Variants in TEPSIN observed in about 807,000 individuals in gnomAD.
TEPSIN encodes AP-4 complex accessory subunit tepsin.
A neutral mutation model predicts 48.5 loss-of-function variants in TEPSIN; 50 were observed. The ratio of observed to expected loss-of-function variants is 1.03; its 90% confidence interval spans 0.82 to 1.31. The LOEUF (loss-of-function observed/expected upper bound fraction) is 1.31, where lower values mean the gene tolerates loss of function less well. TEPSIN is among the 50% of genes most tolerant of loss of function. TEPSIN has a pLI of 0.00. For missense variants in TEPSIN, 838 were observed against 815.9 expected, an observed-to-expected ratio of 1.03 and a Z score of -0.33; for synonymous variants, 392 against 358.8, an observed-to-expected ratio of 1.09 and a Z score of -1.05.
At chr17:81,232,174 C>A in intron 8 of TEPSIN, 141 bp downstream of exon 8, 1 of 1,309,232 alleles carries the variant, frequency 7.6e-7, no homozygotes. Context: ...ACACCAGCCC[C>A]ATGGGCATGT....
rs2062633533 is a variant in TEPSIN at position 81,232,388 on chromosome 17, G to A, written c.657C>T (p.Ala219=). The A allele has an allele frequency of 8.5e-6, 13 of 1,535,732 alleles. No individual in the cohort carries two copies. Among genetic ancestry groups the A allele is most frequent in the Non-Finnish European group, 9.6e-6 (11 of 1,146,696 alleles). The change falls in exon 8 of 13, where the codon GCC becomes GCT. Residue 219 remains alanine (A), a synonymous_variant. Coordinates refer to ENST00000637944, the MANE Select transcript of TEPSIN (RefSeq NM_001363764.2). ...GACCGTGGCTGGCTGAAGGCATCAT[G>A]GCAGGCTGGTAGGTGTCACCCCGCG... The part of the protein sequence containing the change: ...LLPRGDTYQP[A]MMPSASHGPP...
chr17:81,235,523 C>T (rs2062705263), intron 4 of TEPSIN, among the ~76,000 whole-genome samples: 2 of 152,200 alleles, frequency 1.3e-5, no homozygotes, highest in Non-Finnish European at 2.9e-5. Context: ...ACTCTGGTGC[C>T]GACAAGAACC....
At chr17:81,232,078 C>A in intron 8 of TEPSIN, 57 bp from the exon 9 acceptor site, 1 of 1,568,934 alleles carries the variant, frequency 6.4e-7, no homozygotes, top group Non-Finnish European at 8.6e-7. Context: ...GCCCCATGCC[C>A]ACCTCCCGGG....
At chr17:81,232,064 G>A (rs199942965) in intron 8 of TEPSIN, 43 bp from the exon 9 acceptor site, 323 of 1,584,878 alleles carry the variant, frequency 2.0e-4, no homozygotes, top group Non-Finnish European at 2.6e-4. Context: ...GGGGCTTCAG[G>A]CCAGCCCCAT....
At position 81,233,298 on chromosome 17, in the gene TEPSIN, G is replaced by C. The variant is rs2062655797; in HGVS notation, c.526+134C>G. 1 of 1,062,424 alleles carries C rather than the reference G, an allele frequency of 9.4e-7. No individual in the cohort carries two copies. The highest frequency in any genetic ancestry group is 1.6e-5 in the African/African-American group (1 of 62,792). The allele number at this position is 1,062,424 out of a possible 1,614,324, so 65.8% of individuals were successfully genotyped here. On this transcript the variant is annotated intron_variant, in intron 7 of 12. Coordinates refer to ENST00000637944, the MANE Select transcript of TEPSIN (RefSeq NM_001363764.2). The surrounding 1 kb of genome is among the most constrained non-coding windows in gnomAD (Gnocchi z 5.8). The stretch of plus-strand genomic sequence containing the variant: ...GAGAGAGACAGTGGGGACAGCCCCA[G>C]GAAGGGTTGAGGCCATGTAGGGGAG...
Position 81,228,682 on chromosome 17 carries a change from C to A in TEPSIN, c.*246G>T. On this transcript the variant is annotated 3_prime_UTR_variant, in exon 13 of 13. Coordinates refer to ENST00000637944, the MANE Select transcript of TEPSIN (RefSeq NM_001363764.2). ...TGTCTGAGAGCAAGACAGGCAGGGA[C>A]TGCCCCCTGAGAGCCCTGAGATCGA... is the stretch of plus-strand genomic sequence containing the variant. 1 of 574,594 alleles carries A rather than the reference C, an allele frequency of 1.7e-6. No individual in the cohort carries two copies. The highest frequency in any genetic ancestry group is 3.0e-6 in the Non-Finnish European group (1 of 331,444). The allele number at this position is 574,594 out of a possible 1,614,324, so 35.6% of individuals were successfully genotyped here. A position where few individuals can be genotyped will look rare whatever the true frequency, so the allele number is the denominator to read the frequency against.
intron 12 of TEPSIN, 29 bp from the exon 13 acceptor site, chr17:81,229,505 T>C (rs2062543663): frequency 6.5e-7 from 1 of 1,543,486 alleles, no homozygotes; most frequent in Non-Finnish European, 8.7e-7. Flanking sequence ...ACCAGGGAGG[T>C]TCCTATGCAA....
At chr17:81,238,951 T>C in intron 1 of TEPSIN, 35 bp downstream of exon 1, 6 of 1,423,784 alleles carry the variant, frequency 4.2e-6, no homozygotes, top group Non-Finnish European at 5.5e-6. Context: ...AGAGGAGCCG[T>C]GGGACCGGGG....
At chr17:81,236,554 G>T (rs1187564076) in intron 4 of TEPSIN, 154 bp downstream of exon 4, 21 of 817,528 alleles carry the variant, frequency 2.6e-5, no homozygotes, top group Non-Finnish European at 1.9e-6. Flanking sequence ...AGAGGCCAGA[G>T]ATGGGCCAGG....
rs141474303 is a variant in TEPSIN at position 81,233,648 on chromosome 17, C to T, written c.444G>A (p.Pro148=). The T allele has an allele frequency of 3.5e-5, 56 of 1,598,762 alleles. No homozygotes were observed. In the African/African-American group the frequency reaches 6.3e-4, roughly 18 times the overall value. ...CCCTCAGTCACCTACCTGTGGCAGG[C>T]GGGGTCCCCAGAGGCTGGGAGGGAG... ...PLAPSQPLGT[P]PATGMGSQAR... Residue 148 remains proline (P), a synonymous_variant, in exon 6 of 13, where the codon CCG becomes CCA. Coordinates refer to ENST00000637944, the MANE Select transcript of TEPSIN (RefSeq NM_001363764.2). This position sits in a 1 kb window ranked among gnomAD's most constrained non-coding sequence, Gnocchi z 5.8.
chr17:81,236,598 C>G (rs897847571), intron 4 of TEPSIN, 110 bp downstream of exon 4: 41 of 1,147,700 alleles, frequency 3.6e-5, no homozygotes, highest in Non-Finnish European at 4.9e-5. Context: ...GGGACCCGGC[C>G]CAGGTGAGGG....
Position 81,233,078 on chromosome 17 carries a change from C to A in TEPSIN, c.526+354G>T. 1 of 365,780 alleles carries A rather than the reference C, an allele frequency of 2.7e-6. No homozygotes were observed. Among genetic ancestry groups the A allele is most frequent in the Non-Finnish European group, 5.0e-6 (1 of 198,852 alleles). The allele number at this position is 365,780 out of a possible 1,614,324, so 22.7% of individuals were successfully genotyped here. ...TGAGCAGTTGTCCACTGGTACTGCC[C>A]CACCTCATAACAGCTCCACACGGGA... On this transcript the variant is annotated intron_variant, in intron 7 of 12. Transcript: ENST00000637944. The surrounding 1 kb of genome is among the most constrained non-coding windows in gnomAD (Gnocchi z 5.8).
chr17:81,230,304 G>T lies in TEPSIN; in HGVS notation c.1233+240C>A, dbSNP rs1218153657. The stretch of plus-strand genomic sequence containing the variant: ...GGCAGCGGAGTCTGGGGGCTTCCAG[G>T]AATAGGTAGAGGCCAGTGTACTGTG... On this transcript the variant is annotated intron_variant, in intron 12 of 12. Transcript: ENST00000637944. The surrounding 1 kb of genome is among the most constrained non-coding windows in gnomAD (Gnocchi z 4.2). 9.6e-6 allele frequency: 5 copies of T among 521,750 alleles called. No homozygotes were observed. Among genetic ancestry groups the T allele is most frequent in the African/African-American group, 2.1e-5 (1 of 47,402 alleles). 32.3% of individuals were successfully genotyped at this position (521,750 alleles called of 1,614,324 possible). A position where few individuals can be genotyped will look rare whatever the true frequency, so the allele number is the denominator to read the frequency against.
At chr17:81,238,843 G>T in intron 1 of TEPSIN, 143 bp downstream of exon 1, 3 of 1,351,462 alleles carry the variant, frequency 2.2e-6, no homozygotes, top group Non-Finnish European at 2.8e-6. Flanking sequence ...CAGCTCAGGG[G>T]CGTCGGCGCG....
intron 11 of TEPSIN, 77 bp downstream of exon 11, chr17:81,231,311 GCACACGTGCA>G: frequency 7.5e-7 from 1 of 1,331,954 alleles, no homozygotes; most frequent in African/African-American, 1.5e-5. Flanking sequence ...GTGCACACAG[GCACACGTGCA>G]CACACACGCA....
intron 7 of TEPSIN, 132 bp from the exon 8 acceptor site, chr17:81,232,650 G>T (rs1469649185): frequency 2.5e-6 from 2 of 814,608 alleles, no homozygotes; most frequent in East Asian, 2.8e-5. Context: ...AGGTAGGGAG[G>T]CCTCCTGGTG....
intron 2 of TEPSIN, 98 bp downstream of exon 2, chr17:81,237,289 T>A: frequency 7.2e-7 from 1 of 1,384,024 alleles, no homozygotes; most frequent in South Asian, 1.2e-5. Context: ...GAGCCGTGCA[T>A]CCCCCTAGGG....
rs1306970229 is a variant in TEPSIN at position 81,228,984 on chromosome 17, C to T, written c.1726G>A (p.Ala576Thr). Residue 576 changes from alanine (A) to threonine (T), a missense_variant, in exon 13 of 13, where the codon GCA becomes ACA. Physicochemically the swap from Ala to Thr is moderately conservative, Grantham distance 58. Coordinates refer to ENST00000637944, the MANE Select transcript of TEPSIN (RefSeq NM_001363764.2). ...TCTGAGCCAGGAGGCTCTTTGGCTG[C>T]TGTCCTCTGGGACGATGTTTGGGGG... Reference protein sequence around the residue: ...RAPQTSSQRTAAKEPPGSEPS... With the variant: ...RAPQTSSQRTTAKEPPGSEPS... 5 of 1,613,768 alleles carry T rather than the reference C, an allele frequency of 3.1e-6. No homozygotes were observed. Among genetic ancestry groups the T allele is most frequent in the Non-Finnish European group, 4.2e-6 (5 of 1,180,022 alleles).
chr17:81,236,755 A>T lies in TEPSIN; in HGVS notation c.260T>A (p.Phe87Tyr), dbSNP rs981176662. 1 of 1,574,878 alleles carries T rather than the reference A, an allele frequency of 6.3e-7. No homozygotes were observed. Among genetic ancestry groups the T allele is most frequent in the Non-Finnish European group, 8.6e-7 (1 of 1,160,772 alleles). ...LYLCSHGSSF[F>Y]LLILKRNSAF... is the part of the protein sequence containing the mutation. ...AGAGTTGCGTTTGAGGATGAGCAGG[A>T]AGAAGGAGGAGCCGTGGCTGCACAG... is the stretch of plus-strand genomic sequence containing the variant. The change falls in exon 4 of 13, where the codon TTC becomes TAC. Residue 87 changes from phenylalanine (F) to tyrosine (Y), a missense_variant. Coordinates refer to ENST00000637944, the MANE Select transcript of TEPSIN (RefSeq NM_001363764.2).
Sources: gnomAD v4.1 joint callset for allele counts (sites outside exome capture counted in the v4.1 genomes callset) on GRCh38, gnomAD v4.1.1 for gene constraint, Gnocchi (gnomAD v3.1) non-coding constraint, MANE v1.5 for transcripts, NCBI Gene and HGNC (gene_info 2026-07-23, HGNC 2026-07-21) for gene names.